The following ALK variants were observed in gnomAD, a reference collection of about 807,000 sequenced individuals.
ALK encodes the protein ALK receptor tyrosine kinase.
In ALK, 74 loss-of-function variants were observed where a neutral mutation model predicts 163.1. That is an observed-to-expected ratio of 0.45 (90% CI 0.38 to 0.55). The LOEUF is 0.55. ALK is among the 20% of genes least tolerant of loss of function. The pLI is 0.00. For missense variants in ALK, 2,063 were observed against 2,105.3 expected, an observed-to-expected ratio of 0.98 and a Z score of 0.39; for synonymous variants, 960 against 843.2, an observed-to-expected ratio of 1.14 and a Z score of -2.40.
intron 4 of ALK, among the ~76,000 whole-genome samples, chr2:29,433,474 G>A (rs982931333): frequency 3.3e-5 from 5 of 152,170 alleles, no homozygotes; most frequent in African/African-American, 4.8e-5. Context: ...TGCTTACCTC[G>A]AGGCCTTGCT....
chr2:29,784,722 C>CAAA (rs1572376702), intron 1 of ALK, among the ~76,000 whole-genome samples: 2 of 150,838 alleles, frequency 1.3e-5, no homozygotes, highest in East Asian at 1.9e-4. Context: ...AAAACAACAA[C>CAAA]AACAACAACA....
chr2:29,443,791 G>A lies in ALK; in HGVS notation c.1155-59932C>T, dbSNP rs74805350. Reference sequence around the variant, plus strand: ...AAGCAATTGATGGTGAATCAGGAAGGAAGAGGAGGCTGACGTGTAGCCTTA... The same window carrying A: ...AAGCAATTGATGGTGAATCAGGAAGAAAGAGGAGGCTGACGTGTAGCCTTA... On this transcript the variant is annotated intron_variant, in intron 4 of 28. Transcript: ENST00000389048. Among the ~76,000 whole-genome samples, 791 of 152,328 alleles carry A rather than the reference G, an allele frequency of 5.2e-3. 2 individuals are homozygous for A. The highest frequency in any genetic ancestry group is 0.018 in the African/African-American group (747 of 41,558).
chr2:29,702,738 C>T (rs944631222), intron 2 of ALK, among the ~76,000 whole-genome samples: 1 of 152,224 alleles, frequency 6.6e-6, no homozygotes, highest in Non-Finnish European at 1.5e-5. Flanking sequence ...GCACATCTTA[C>T]ATGGCAGCAG....
At chr2:29,734,165 C>T (rs1455289872) in intron 1 of ALK, among the ~76,000 whole-genome samples, 1 of 152,174 alleles carries the variant, frequency 6.6e-6, no homozygotes. Flanking sequence ...TCCTTCTAGC[C>T]ATGTGTCCAA....
intron 1 of ALK, among the ~76,000 whole-genome samples, chr2:29,757,964 C>T (rs1680585106): frequency 6.6e-6 from 1 of 151,748 alleles, no homozygotes; most frequent in African/African-American, 2.4e-5. Flanking sequence ...GGAAAACACA[C>T]CCATTCCCAA....
chr2:29,233,088 G>A lies in ALK; in HGVS notation c.2487+477C>T, dbSNP rs1466393379. The stretch of plus-strand genomic sequence containing the variant: ...TAAGAGAAGAGTTCTACCCTTTCCT[G>A]GACAGACAGACTCTATATCTCTCTG... On this transcript the variant is annotated intron_variant, in intron 14 of 28. Coordinates refer to ENST00000389048, the MANE Select transcript of ALK (RefSeq NM_004304.5). 2.0e-5 allele frequency among the ~76,000 whole-genome samples: 3 copies of A among 152,142 alleles called. No homozygotes were observed. In the East Asian group the frequency reaches 5.8e-4, roughly 29 times the overall value.
At chr2:29,592,221 C>T (rs978861968) in intron 3 of ALK, among the ~76,000 whole-genome samples, 6 of 152,140 alleles carry the variant, frequency 3.9e-5, no homozygotes, top group Non-Finnish European at 7.4e-5. Context: ...CCTCTTAATC[C>T]TCATCCTTTG....
chr2:29,381,337 A>T (rs1214797532), intron 5 of ALK, among the ~76,000 whole-genome samples: 1 of 152,284 alleles, frequency 6.6e-6, no homozygotes, highest in African/African-American at 2.4e-5. Context: ...GTCCATATCA[A>T]CTGAGATGAA....
intron 1 of ALK, among the ~76,000 whole-genome samples, chr2:29,859,035 A>AAAACAAAC (rs70962243): frequency 0.77 from 115,479 of 150,660 alleles, 44,593 homozygotes; most frequent in Non-Finnish European, 0.81. Flanking sequence ...TCTGTCTCAA[A>AAAACAAAC]AAACAAACAA....
chr2:29,705,287 A>ATATATCTCTATC (rs1553349889), intron 2 of ALK, among the ~76,000 whole-genome samples: 3 of 117,636 alleles, frequency 2.6e-5, no homozygotes, highest in African/African-American at 6.1e-5. Flanking sequence ...ATATAAATAT[A>ATATATCTCTATC]TATCTGCTGT....
intron 1 of ALK, among the ~76,000 whole-genome samples, chr2:29,773,330 T>C (rs1210250417): frequency 1.3e-5 from 2 of 152,146 alleles, no homozygotes; most frequent in African/African-American, 4.8e-5. Flanking sequence ...TGCTCAGGAA[T>C]GAGGAATGAG....
chr2:29,558,501 G>A (rs1417994902), intron 3 of ALK, among the ~76,000 whole-genome samples: 1 of 152,012 alleles, frequency 6.6e-6, no homozygotes, highest in African/African-American at 2.4e-5. Context: ...ACTGCTACCT[G>A]AGGACGACAT....
intron 3 of ALK, among the ~76,000 whole-genome samples, chr2:29,625,318 C>T (rs535306008): frequency 1.3e-5 from 2 of 152,266 alleles, no homozygotes; most frequent in South Asian, 2.1e-4. Context: ...GACTTCAAGA[C>T]CCATAAGTAG....
intron 3 of ALK, among the ~76,000 whole-genome samples, chr2:29,638,413 T>A (rs1245451796): frequency 6.6e-6 from 1 of 152,014 alleles, no homozygotes; most frequent in Non-Finnish European, 1.5e-5. Flanking sequence ...ACTCAAGCAA[T>A]CTTCATTTTG....
chr2:29,371,248 C>A (rs1668631377), intron 5 of ALK, among the ~76,000 whole-genome samples: 1 of 152,248 alleles, frequency 6.6e-6, no homozygotes, highest in African/African-American at 2.4e-5. Context: ...CTCAGCATAA[C>A]TTGAAGACAG....
intron 3 of ALK, among the ~76,000 whole-genome samples, chr2:29,599,738 T>G (rs1020835579): frequency 6.6e-6 from 1 of 152,206 alleles, no homozygotes; most frequent in African/African-American, 2.4e-5. Flanking sequence ...TTAATAGATA[T>G]ATATCCATAC....
At chr2:29,672,746 C>G (rs1196526902) in intron 3 of ALK, among the ~76,000 whole-genome samples, 4 of 151,752 alleles carry the variant, frequency 2.6e-5, no homozygotes, top group Non-Finnish European at 5.9e-5. Context: ...CCTGAGGAAT[C>G]GCCACACTGA....
intron 11 of ALK, among the ~76,000 whole-genome samples, chr2:29,251,988 A>G (rs1010505107): frequency 6.6e-6 from 1 of 152,204 alleles, no homozygotes; most frequent in Non-Finnish European, 1.5e-5. Context: ...AATGCAACGA[A>G]GACAGCTTTC....
chr2:29,776,827 A>T (rs530055645), intron 1 of ALK, among the ~76,000 whole-genome samples: 1 of 152,194 alleles, frequency 6.6e-6, no homozygotes, highest in East Asian at 1.9e-4. Context: ...AAAGAAAAAG[A>T]AAAAACAAGC....
Sources: gnomAD v4.1 joint callset for allele counts (sites outside exome capture counted in the v4.1 genomes callset) on GRCh38, gnomAD v4.1.1 for gene constraint, MANE v1.5 for transcripts, NCBI Gene and HGNC (gene_info 2026-07-23, HGNC 2026-07-21) for gene names.